FMN1: variants seen among roughly 807,000 people sequenced by gnomAD.
FMN1 encodes the protein formin-1.
In FMN1, 110 loss-of-function variants were observed where a neutral mutation model predicts 132.4. The observed-to-expected ratio is 0.83, with a 90% CI of 0.71 to 0.97. The LOEUF (loss-of-function observed/expected upper bound fraction) is 0.97. Among genes scored for constraint, FMN1 ranks in the 50% least tolerant of loss-of-function variants. FMN1 has a pLI of 0.00. For synonymous variants in FMN1, 722 were observed against 651.7 expected, an observed-to-expected ratio of 1.11 and a Z score of -1.64; for missense variants, 1,792 against 1,705.3, an observed-to-expected ratio of 1.05 and a Z score of -0.90.
chr15:32,857,180 G>A, intron 16 of FMN1, 73 bp from the exon 17 acceptor site: 1 of 1,143,656 alleles, frequency 8.7e-7, no homozygotes, highest in South Asian at 1.2e-5. Flanking sequence ...CAGGTACTGT[G>A]CTATGCACTT....
rs1344838936 is a variant in FMN1 at position 32,773,004 on chromosome 15, G to C, written c.*1306C>G. ...GGGGGAGAAAGCTCGGCCTCTTCAA[G>C]GCCTAAAAATGAGTCTTTGATCATA... On this transcript the variant is annotated 3_prime_UTR_variant, in exon 21 of 21. Transcript: ENST00000616417. The C allele has an allele frequency of 6.6e-6, 1 of 152,178 alleles. No individual in the cohort carries two copies. Among genetic ancestry groups the C allele is most frequent in the Non-Finnish European group, 1.5e-5 (1 of 68,046 alleles). 9.4% of individuals were successfully genotyped at this position (152,178 alleles called of 1,614,324 possible). A position where few individuals can be genotyped will look rare whatever the true frequency, so the allele number is the denominator to read the frequency against.
intron 16 of FMN1, among the ~76,000 whole-genome samples, chr15:32,876,138 T>C (rs143763329): frequency 1.3e-5 from 2 of 152,362 alleles, no homozygotes; most frequent in African/African-American, 4.8e-5. Flanking sequence ...GTCCTCATAC[T>C]TGATTCAGTC....
chr15:33,031,292 G>A (rs947685904), intron 6 of FMN1, among the ~76,000 whole-genome samples: 3 of 152,118 alleles, frequency 2.0e-5, no homozygotes, highest in Admixed American at 1.3e-4. Flanking sequence ...ACAAGCCTAA[G>A]CTTTCTACCA....
chr15:32,790,007 A>G (rs2057016586), intron 19 of FMN1, among the ~76,000 whole-genome samples: 2 of 147,220 alleles, frequency 1.4e-5, no homozygotes, highest in Admixed American at 1.4e-4. Context: ...TCACCTAACA[A>G]TGCGTTTCTC....
chr15:32,964,777 G>A (rs1289204863), intron 8 of FMN1, among the ~76,000 whole-genome samples: 5 of 152,132 alleles, frequency 3.3e-5, no homozygotes, highest in South Asian at 4.2e-4. Context: ...TCAGTGCAGC[G>A]TCCTTAATAT....
intron 4 of FMN1, among the ~76,000 whole-genome samples, chr15:33,126,298 G>A (rs555701946): frequency 6.6e-6 from 1 of 152,272 alleles, no homozygotes; most frequent in African/African-American, 2.4e-5. Flanking sequence ...TACGGCACCA[G>A]GCCCTCATGG....
In FMN1 at chr15:32,901,919, C is replaced by T; in HGVS notation, c.3499G>A (p.Ala1167Thr). The T allele has an allele frequency of 5.6e-6, 9 of 1,607,088 alleles. No individual in the cohort carries two copies. Among genetic ancestry groups the T allele is most frequent in the Non-Finnish European group, 6.8e-6 (8 of 1,177,632 alleles). ...LHRKVEIITR[A>T]SKDLLHVKSV... ...TTAGACAGTAAACATACCTTAGAAG[C>T]TCGCGTGATGATCTCTACCTTTCTG... The change falls in exon 13 of 21, where the codon GCT becomes ACT. Residue 1167 changes from alanine to threonine, a missense_variant. Physicochemically the swap from Ala to Thr is moderately conservative, Grantham distance 58 (BLOSUM62 0). Transcript: ENST00000616417.
intron 6 of FMN1, among the ~76,000 whole-genome samples, chr15:33,033,741 T>TTG (rs1566849065): frequency 6.6e-6 from 1 of 152,082 alleles, no homozygotes; most frequent in Non-Finnish European, 1.5e-5. Context: ...TATCATTCTC[T>TTG]TTTAAACCCA....
In FMN1 at chr15:32,910,473, C is replaced by A; in HGVS notation, c.3288+1G>T. 6.4e-7 allele frequency: 1 copy of A among 1,573,634 alleles called. No individual in the cohort carries two copies. ...TAGCTCTGTAAGTCTTTGACACTCA[C>A]GTTTTCATATAAGGCTGCCAGGGTC... On this transcript the variant is annotated splice_donor_variant, in intron 11 of 20. Coordinates refer to ENST00000616417, the MANE Select transcript of FMN1 (RefSeq NM_001277313.2). LOFTEE classifies it high-confidence loss of function.
chr15:32,898,088 C>A (rs1028496111), intron 15 of FMN1, among the ~76,000 whole-genome samples: 4 of 152,158 alleles, frequency 2.6e-5, no homozygotes, highest in Admixed American at 6.5e-5. Context: ...CCTCACTTGT[C>A]TTCTGGATGA....
intron 4 of FMN1, among the ~76,000 whole-genome samples, chr15:33,102,415 A>G (rs913842283): frequency 6.6e-6 from 1 of 152,160 alleles, no homozygotes; most frequent in East Asian, 1.9e-4. Flanking sequence ...CTATTCTCAT[A>G]AAACTAAATT....
chr15:33,041,472 AC>A (rs200835569), intron 6 of FMN1, among the ~76,000 whole-genome samples: 24,295 of 143,764 alleles, frequency 0.17, 3,445 homozygotes, highest in Middle Eastern at 0.24. Flanking sequence ...TCACCAGTAA[AC>A]AAAAAAAAAA....
At chr15:33,015,741 C>T (rs761576715) in intron 6 of FMN1, among the ~76,000 whole-genome samples, 2 of 152,014 alleles carry the variant, frequency 1.3e-5, no homozygotes, top group Non-Finnish European at 2.9e-5. Flanking sequence ...TATACTTGGA[C>T]GATACTCAAT....
At chr15:33,001,999 A>G (rs2034147707) in intron 7 of FMN1, among the ~76,000 whole-genome samples, 3 of 152,090 alleles carry the variant, frequency 2.0e-5, no homozygotes, top group Admixed American at 1.3e-4. Context: ...CTGGTGGGGG[A>G]AACTGAACAA....
chr15:33,110,377 G>A (rs942319415), intron 4 of FMN1, among the ~76,000 whole-genome samples: 3 of 152,032 alleles, frequency 2.0e-5, no homozygotes, highest in Non-Finnish European at 4.4e-5. Flanking sequence ...TCAAGTTCAG[G>A]AAATTTTTTA....
At chr15:32,797,883 A>G (rs561360222) in intron 19 of FMN1, among the ~76,000 whole-genome samples, 2 of 152,306 alleles carry the variant, frequency 1.3e-5, no homozygotes, top group Non-Finnish European at 2.9e-5. Flanking sequence ...CTTTGATTAC[A>G]AAGTGAAGAA....
intron 16 of FMN1, among the ~76,000 whole-genome samples, chr15:32,876,875 T>G (rs1450703994): frequency 2.0e-5 from 3 of 152,246 alleles, no homozygotes; most frequent in Non-Finnish European, 2.9e-5. Flanking sequence ...ATACAACATT[T>G]AATTTGTTGT....
At chr15:32,826,153 TGG>T (rs1327055999) in intron 17 of FMN1, among the ~76,000 whole-genome samples, 1 of 152,196 alleles carries the variant, frequency 6.6e-6, no homozygotes, top group Non-Finnish European at 1.5e-5. Flanking sequence ...GACTTAGCAG[TGG>T]GGTCCCTAGA....
intron 7 of FMN1, among the ~76,000 whole-genome samples, chr15:32,991,675 G>T (rs572002112): frequency 1.3e-5 from 2 of 152,090 alleles, no homozygotes; most frequent in African/African-American, 2.4e-5. Flanking sequence ...GGCTAAAATC[G>T]CTTGATAAAT....
Sources: allele counts gnomAD v4.1 joint callset (sites outside exome capture counted in the v4.1 genomes callset), GRCh38; gene constraint gnomAD v4.1.1; transcripts MANE v1.5; gene names NCBI Gene and HGNC (gene_info 2026-07-23, HGNC 2026-07-21).